USP47: variants seen among roughly 807,000 people sequenced by gnomAD.
USP47 encodes ubiquitin specific peptidase 47.
In USP47, 35 loss-of-function variants were observed where a neutral mutation model predicts 165.1. The ratio of observed to expected loss-of-function variants is 0.21; its 90% CI spans 0.16 to 0.28. The LOEUF (loss-of-function observed/expected upper bound fraction) is 0.28, where lower values mean the gene tolerates loss of function less well. USP47 is among the 10% of genes least tolerant of loss of function. The pLI is 1.00. For missense variants in USP47, 1,277 were observed against 1,607.4 expected, an observed-to-expected ratio of 0.79 and a Z score of 3.52; for synonymous variants, 531 against 544.5, an observed-to-expected ratio of 0.98 and a Z score of 0.35.
Position 11,947,833 on chromosome 11 carries a change from G to A in USP47, c.3092-112G>A, listed in dbSNP as rs567861635. 22 of 1,075,660 alleles carry A rather than the reference G, an allele frequency of 2.0e-5. No individual in the cohort carries two copies. In the African/African-American group the frequency reaches 2.4e-4, roughly 12 times the overall value. 66.6% of individuals were successfully genotyped at this position (1,075,660 alleles called of 1,614,324 possible). On this transcript the variant is annotated intron_variant, in intron 20 of 27. Transcript: ENST00000527733. Reference sequence around the variant, plus strand: ...ATATTAGCTAAAGTCTAACTGAAAAGGGGTACTCTTTACTGCATACAGTGT... The same window carrying A: ...ATATTAGCTAAAGTCTAACTGAAAAAGGGTACTCTTTACTGCATACAGTGT...
In USP47 at chr11:11,892,049, A is replaced by G. The variant is rs769633495; in HGVS notation, c.439A>G (p.Ser147Gly). The G allele has an allele frequency of 3.1e-6, 5 of 1,613,836 alleles. No individual in the cohort carries two copies. In the African/African-American group the frequency reaches 6.7e-5, roughly 22 times the overall value. The change falls in exon 4 of 28, where the codon AGT (serine) becomes GGT (glycine). Residue 147 changes from serine (S) to glycine (G), a missense_variant. By Grantham distance (56) the Ser-to-Gly change is moderately conservative. This residue lies in a region of USP47 where 181 missense variants were observed against 194.7 expected (regional missense o/e 0.93). Transcript: ENST00000527733. ...AAGAGAAGGTTCTGGGGGTTCTACCAGTGATTATGTCAGCCAAAGCTACTC... is the reference window on the plus strand; with the variant it reads ...AAGAGAAGGTTCTGGGGGTTCTACCGGTGATTATGTCAGCCAAAGCTACTC... ...LPREGSGGSTSDYVSQSYSYS... is the reference protein window; with the variant it reads ...LPREGSGGSTGDYVSQSYSYS...
intron 1 of USP47, among the ~76,000 whole-genome samples, chr11:11,860,571 G>A (rs1213755405): frequency 6.6e-6 from 1 of 152,134 alleles, no homozygotes; most frequent in Non-Finnish European, 1.5e-5. Flanking sequence ...TAAATAAAAT[G>A]CATGGTAACA....
At chr11:11,930,656 T>G in intron 13 of USP47, 40 bp from the exon 14 acceptor site, 1 of 1,431,670 alleles carries the variant, frequency 7.0e-7, no homozygotes, top group Non-Finnish European at 9.7e-7. Flanking sequence ...CTTTTTAATC[T>G]ACTTTTTGTC....
At chr11:11,923,041 C>CATACATATATATAT (rs1176012772) in intron 11 of USP47, 150 bp downstream of exon 11, 3 of 139,838 alleles carry the variant, frequency 2.1e-5, no homozygotes, top group African/African-American at 1.0e-4. Flanking sequence ...TTTTTTTGTA[C>CATACATATATATAT]ATATATATAT....
At chr11:11,876,045 T>C (rs557500279) in intron 1 of USP47, among the ~76,000 whole-genome samples, 21 of 152,378 alleles carry the variant, frequency 1.4e-4, no homozygotes, top group Admixed American at 1.0e-3. Flanking sequence ...CTTAGTCTCA[T>C]AAGTGTAATA....
intron 1 of USP47, among the ~76,000 whole-genome samples, chr11:11,854,069 A>G (rs1848883344): frequency 6.9e-6 from 1 of 144,836 alleles, no homozygotes; most frequent in African/African-American, 2.5e-5. Flanking sequence ...CAGAAGGTGG[A>G]GCTTGCAGTG....
At chr11:11,950,511 T>C (rs372292269) in intron 24 of USP47, 29 bp downstream of exon 24, 28 of 1,458,438 alleles carry the variant, frequency 1.9e-5, no homozygotes, top group Non-Finnish European at 2.6e-5. Flanking sequence ...GGGGGAAGTA[T>C]CAGTTAGAAA....
Position 11,896,708 on chromosome 11 carries a change from A to G in USP47, c.497-889A>G, listed in dbSNP as rs560009348. Among the ~76,000 whole-genome samples the G allele has an allele frequency of 7.9e-5, 12 of 152,256 alleles. 1 individual carries two copies. In the South Asian group the frequency reaches 2.3e-3, roughly 29 times the overall value. ...GACATATAAGCAAATGGGTCGTTACAAAACAGTGAGATAAAGGCTCTAATA... is the reference window on the plus strand; with the variant it reads ...GACATATAAGCAAATGGGTCGTTACGAAACAGTGAGATAAAGGCTCTAATA... On this transcript the variant is annotated intron_variant, in intron 4 of 27. Transcript: ENST00000527733.
chr11:11,871,014 A>C (rs987747114), intron 1 of USP47, among the ~76,000 whole-genome samples: 1 of 151,794 alleles, frequency 6.6e-6, no homozygotes, highest in East Asian at 1.9e-4. Context: ...ATTCCTGTAG[A>C]TATTCTTGAG....
At chr11:11,907,138 C>T (rs925392210) in intron 8 of USP47, among the ~76,000 whole-genome samples, 5 of 152,308 alleles carry the variant, frequency 3.3e-5, no homozygotes, top group African/African-American at 1.2e-4. Flanking sequence ...TGCCACCACT[C>T]TCTTAAGTAT....
intron 14 of USP47, 54 bp downstream of exon 14, chr11:11,930,805 T>C: frequency 4.1e-6 from 6 of 1,468,202 alleles, no homozygotes; most frequent in Non-Finnish European, 5.6e-6. Flanking sequence ...CTAATTTCTT[T>C]TGTAAGTTTG....
intron 18 of USP47, 132 bp downstream of exon 18, chr11:11,938,504 C>T (rs1855235709): frequency 1.0e-5 from 7 of 667,674 alleles, no homozygotes; most frequent in Non-Finnish European, 1.8e-5. Context: ...TAGGAGACAA[C>T]TGTAGTTAAA....
intron 5 of USP47, among the ~76,000 whole-genome samples, chr11:11,898,171 A>G (rs1222031641): frequency 2.6e-5 from 4 of 151,988 alleles, no homozygotes; most frequent in African/African-American, 9.7e-5. Flanking sequence ...AAAAGACTCC[A>G]TATACATTAG....
In USP47 at chr11:11,842,173, G is replaced by A. The variant is rs749342378; in HGVS notation, c.-13G>A. ...TCCCCCGGCAGGGCGGAGAGGAGCGGCCGGAGTCAGCGATGGTGCCCGGCG... is the reference window on the plus strand; with the variant it reads ...TCCCCCGGCAGGGCGGAGAGGAGCGACCGGAGTCAGCGATGGTGCCCGGCG... On this transcript the variant is annotated 5_prime_UTR_variant, in exon 1 of 28. Transcript: ENST00000527733. The A allele has an allele frequency of 3.2e-6, 5 of 1,552,582 alleles. No individual in the cohort carries two copies. In the South Asian group the frequency reaches 5.9e-5, roughly 18 times the overall value.
chr11:11,931,141 C>T lies in USP47; in HGVS notation c.1651+390C>T, dbSNP rs1284484701. 6.6e-5 allele frequency among the ~76,000 whole-genome samples: 10 copies of T among 151,944 alleles called. No homozygotes were observed. The East Asian group carries it at 1.9e-3, about 29-fold the overall frequency. On this transcript the variant is annotated intron_variant, in intron 14 of 27. Coordinates refer to ENST00000527733, the MANE Select transcript of USP47 (RefSeq NM_001282659.2). Reference sequence around the variant, plus strand: ...ATATCTAGGGGGGTGTGTACAGATACATATACAGGTGATGTGTTTGCTCAT... The same window carrying T: ...ATATCTAGGGGGGTGTGTACAGATATATATACAGGTGATGTGTTTGCTCAT...
chr11:11,902,949 C>G, intron 6 of USP47, 89 bp downstream of exon 6: 2 of 1,342,990 alleles, frequency 1.5e-6, no homozygotes, highest in Non-Finnish European at 2.0e-6. Flanking sequence ...ACATAATTAC[C>G]TTTATCTTAA....
chr11:11,941,500 T>C (rs1855467785), intron 19 of USP47, among the ~76,000 whole-genome samples: 1 of 152,034 alleles, frequency 6.6e-6, no homozygotes, highest in South Asian at 2.1e-4. Context: ...AAAGATTTAT[T>C]ATGGAAAATT....
intron 8 of USP47, among the ~76,000 whole-genome samples, chr11:11,911,834 G>T (rs919356669): frequency 1.3e-5 from 2 of 151,862 alleles, no homozygotes; most frequent in Non-Finnish European, 2.9e-5. Context: ...AAATATATAC[G>T]AGGATAGACC....
rs975293462 is a variant in USP47 at position 11,881,313 on chromosome 11, C to T, written c.243+933C>T. Among the ~76,000 whole-genome samples, 8 of 152,206 alleles carry T rather than the reference C, an allele frequency of 5.3e-5. 1 individual carries two copies. The East Asian group carries it at 1.5e-3, about 29-fold the overall frequency. ...ACCTTGTTAGACAGCACTGTGCTAC[C>T]TCTCCGGTCACAGTGCCCACTCTTT... On this transcript the variant is annotated intron_variant, in intron 2 of 27. Coordinates refer to ENST00000527733, the MANE Select transcript of USP47 (RefSeq NM_001282659.2).
Sources: gnomAD v4.1 joint callset for allele counts (sites outside exome capture counted in the v4.1 genomes callset) on GRCh38, gnomAD v4.1.1 for gene constraint, gnomAD v4.1.1 regional missense constraint, MANE v1.5 for transcripts, NCBI Gene and HGNC (gene_info 2026-07-23, HGNC 2026-07-21) for gene names.